RPL34: variants seen among roughly 807,000 people sequenced by gnomAD.
RPL34 encodes ribosomal protein L34.
A neutral mutation model predicts 16.3 loss-of-function variants in RPL34; 2 were observed. The ratio of observed to expected loss-of-function variants is 0.12; its 90% CI spans 0.05 to 0.39. The LOEUF (loss-of-function observed/expected upper bound fraction) is 0.39, where lower values mean the gene tolerates loss of function less well. Ranked by LOEUF, RPL34 falls within the 10% of genes least tolerant of loss-of-function variation. The pLI, the probability that RPL34 is intolerant of heterozygous loss-of-function variation, is 0.99. For synonymous variants in RPL34, 47 were observed against 48.5 expected (o/e 0.97, Z 0.13); for missense variants, 82 against 148.8 (o/e 0.55, Z 2.33).
Position 108,625,328 on chromosome 4 carries a change from C to T in RPL34, c.*116C>T. 5 of 589,394 alleles carry T rather than the reference C, an allele frequency of 8.5e-6. No homozygotes were observed. The highest frequency in any genetic ancestry group is 2.9e-5 in the East Asian group (1 of 34,958). 36.5% of individuals were successfully genotyped at this position (589,394 alleles called of 1,614,324 possible). ...TTGTTTCTGTATGGTATTTGGGGAC[C>T]CTATAGTTTTTAGCAGATTACTTTT... On this transcript the variant is annotated 3_prime_UTR_variant, in exon 5 of 5. Transcript: ENST00000394667.
At chr4:108,628,073 C>G (rs944780033), downstream of RPL34, among the ~76,000 whole-genome samples, 1 of 152,006 alleles carries the variant, frequency 6.6e-6, no homozygotes, top group Non-Finnish European at 1.5e-5. Context: ...TGACCGGGCA[C>G]CCTAATAAAT....
chr4:108,624,119 A>G (rs535203930), intron 4 of RPL34, among the ~76,000 whole-genome samples: 12 of 152,286 alleles, frequency 7.9e-5, no homozygotes, highest in Non-Finnish European at 1.6e-4. Flanking sequence ...AGATGGGCAC[A>G]TTTATTAAAA....
chr4:108,627,225 C>T (rs149947003), downstream of RPL34, among the ~76,000 whole-genome samples: 2,394 of 151,006 alleles, frequency 0.016, 27 homozygotes, highest in Non-Finnish European at 0.025. Flanking sequence ...TGCGACAGAG[C>T]GAGACTCGGT....
chr4:108,622,457 A>C, intron 3 of RPL34, 58 bp from the exon 4 acceptor site: 19 of 1,389,496 alleles, frequency 1.4e-5, no homozygotes, highest in Non-Finnish European at 1.9e-5. Flanking sequence ...ACACTTAACA[A>C]AATTTAGGGA....
chr4:108,625,734 A>G (rs149627898), downstream of RPL34, among the ~76,000 whole-genome samples: 189 of 152,154 alleles, frequency 1.2e-3, no homozygotes, highest in African/African-American at 4.1e-3. Context: ...GATGGCCAGA[A>G]TTTTTTTGGT....
downstream of RPL34, among the ~76,000 whole-genome samples, chr4:108,629,386 CCTT>C (rs1726110011): frequency 6.6e-6 from 1 of 152,136 alleles, no homozygotes; most frequent in Admixed American, 6.5e-5. Flanking sequence ...AAAACATGAG[CCTT>C]CTTATATATC....
downstream of RPL34, among the ~76,000 whole-genome samples, chr4:108,627,239 CA>C (rs145972035): frequency 1.3e-3 from 193 of 146,462 alleles, no homozygotes; most frequent in African/African-American, 4.3e-3. Flanking sequence ...ACTCGGTCTC[CA>C]AAAAAAAAAC....
chr4:108,621,535 G>C, intron 1 of RPL34: 2 of 214,942 alleles, frequency 9.3e-6, no homozygotes, highest in South Asian at 1.3e-4. Context: ...CCATGTTAGA[G>C]ATAAGGAGGC....
At chr4:108,626,561 TCAGCCTCCTGAGGATTA>T (rs900412249), downstream of RPL34, among the ~76,000 whole-genome samples, 1 of 148,734 alleles carries the variant, frequency 6.7e-6, no homozygotes, top group African/African-American at 2.5e-5. Flanking sequence ...CAATTCTGCC[TCAGCCTCCTGAGGATTA>T]CAGGCGCCCA....
rs762723570 is a variant in RPL34, at chr4:108,622,232, C to G, written c.165+28C>G. ...AAGTGTACCTTTTACTGTGTGCAGC[C>G]TAACAAGTCTTGAACTTACTGAGCT... is the stretch of plus-strand genomic sequence containing the variant. On this transcript the variant is annotated intron_variant, in intron 3 of 4. Coordinates refer to ENST00000394667, the MANE Select transcript of RPL34 (RefSeq NM_001319236.2). The G allele has an allele frequency of 7.5e-6, 11 of 1,473,256 alleles. 2 individuals are homozygous for G. The South Asian group carries it at 1.2e-4, about 17-fold the overall frequency. The allele number at this position is 1,473,256 out of a possible 1,614,324, so 91.3% of individuals were successfully genotyped here.
chr4:108,620,674 C>G (rs1725720274), intron 1 of RPL34, 74 bp downstream of exon 1: 14 of 245,094 alleles, frequency 5.7e-5, no homozygotes, highest in South Asian at 5.5e-4. Flanking sequence ...CTGAGGAAGC[C>G]TAGAGCTCTC....
chr4:108,626,055 G>A (rs1423186721), downstream of RPL34, among the ~76,000 whole-genome samples: 1 of 151,960 alleles, frequency 6.6e-6, no homozygotes, highest in African/African-American at 2.4e-5. Context: ...TAAAACCTTG[G>A]GTCAAGGGTA....
rs1065701 is a variant in RPL34, at chr4:108,625,200, G to A, written c.342G>A (p.Gln114=). ...VKVLKAQAQS[Q]KAK ...TGTTGAAGGCACAAGCACAGAGTCAGAAAGCTAAATAAAAAAATGAAACTT... is the reference window on the plus strand; with the variant it reads ...TGTTGAAGGCACAAGCACAGAGTCAAAAAGCTAAATAAAAAAATGAAACTT... The change falls in exon 5 of 5, where the codon CAG becomes CAA. Residue 114 remains glutamine, a synonymous_variant. Transcript: ENST00000394667. 2.6e-5 allele frequency: 41 copies of A among 1,604,734 alleles called. No individual in the cohort carries two copies. Among genetic ancestry groups the A allele is most frequent in the Non-Finnish European group, 3.5e-5 (41 of 1,174,846 alleles).
chr4:108,624,684 T>C (rs1489266523), intron 4 of RPL34, among the ~76,000 whole-genome samples: 2 of 152,234 alleles, frequency 1.3e-5, no homozygotes. Context: ...CTAAAATCCT[T>C]GCTCTTGGTG....
intron 4 of RPL34, 23 bp from the exon 5 acceptor site, chr4:108,625,105 T>G (rs764249990): frequency 6.6e-7 from 1 of 1,514,216 alleles, no homozygotes; most frequent in African/African-American, 1.4e-5. Context: ...AAGAAATGAT[T>G]AATTTGGTAT....
At chr4:108,628,334 A>G (rs759126224), downstream of RPL34, among the ~76,000 whole-genome samples, 10 of 148,798 alleles carry the variant, frequency 6.7e-5, no homozygotes, top group Non-Finnish European at 7.5e-5. Context: ...TATATACTGC[A>G]CCAAGCAGTT....
At chr4:108,624,951 T>C (rs1725945123) in intron 4 of RPL34, among the ~76,000 whole-genome samples, 177 bp from the exon 5 acceptor site, 2 of 152,178 alleles carry the variant, frequency 1.3e-5, no homozygotes, top group South Asian at 4.1e-4. Context: ...AATTGAAGGA[T>C]TATCCTGCTT....
chr4:108,624,433 A>G (rs1725912323), intron 4 of RPL34, among the ~76,000 whole-genome samples: 1 of 152,178 alleles, frequency 6.6e-6, no homozygotes, highest in African/African-American at 2.4e-5. Context: ...CTCTGGTGGT[A>G]ACTCTGATTT....
intron 4 of RPL34, among the ~76,000 whole-genome samples, chr4:108,624,668 C>T (rs1052685324): frequency 6.6e-6 from 1 of 152,168 alleles, no homozygotes; most frequent in Non-Finnish European, 1.5e-5. Flanking sequence ...TGGCCGTAAA[C>T]AGGTTCTAAA....
Sources: gnomAD v4.1 joint callset for allele counts (sites outside exome capture counted in the v4.1 genomes callset) on GRCh38, gnomAD v4.1.1 for gene constraint, MANE v1.5 for transcripts, NCBI Gene and HGNC (gene_info 2026-07-23, HGNC 2026-07-21) for gene names.